The following MDM4 variants were observed in gnomAD, a reference collection of about 807,000 sequenced individuals.
The protein encoded by MDM4 is MDM4 regulator of p53, also known as protein Mdm4.
Under a neutral mutation model 60.2 loss-of-function variants are expected in MDM4, and 2 were observed. The observed-to-expected ratio is 0.03, with a 90% CI of 0.01 to 0.10. The LOEUF is 0.10. Ranked by LOEUF, MDM4 falls within the 10% of genes least tolerant of loss-of-function variation. The probability of loss-of-function intolerance (pLI) is 1.00; values close to 1 mark genes in which losing one functional copy is unlikely to be tolerated. For synonymous variants in MDM4, 202 were observed against 198.1 expected (o/e 1.02, Z -0.17); for missense variants, 447 against 577.5 (o/e 0.77, Z 2.32).
intron 7 of MDM4, among the ~76,000 whole-genome samples, chr1:204,541,160 C>T (rs557560673): frequency 3.3e-5 from 5 of 152,116 alleles, no homozygotes. Context: ...CATGGCTGGG[C>T]ACTGTTAGAA....
At chr1:204,522,505 C>A (rs1201476395) in intron 1 of MDM4, among the ~76,000 whole-genome samples, 1 of 151,242 alleles carries the variant, frequency 6.6e-6, no homozygotes, top group Admixed American at 6.6e-5. Context: ...TCAGGCGATT[C>A]TCCTGTCTCA....
chr1:204,557,697 TG>T lies in MDM4; in HGVS notation c.*8017del. On this transcript the variant is annotated 3_prime_UTR_variant, in exon 11 of 11. Transcript: ENST00000367182. ...GATTACAGGCGTGAGCAACTGCTCC[TG>T]GCCCAAAACATCTCTTTCTACATAC... is the stretch of plus-strand genomic sequence containing the variant. 5.5e-6 allele frequency: 1 copy of T among 181,182 alleles called. No individual in the cohort carries two copies. The highest frequency in any genetic ancestry group is 2.0e-4 in the South Asian group (1 of 5,078). The allele number at this position is 181,182 out of a possible 1,614,324, so 11.2% of individuals were successfully genotyped here. A position where few individuals can be genotyped will look rare whatever the true frequency, so the allele number is the denominator to read the frequency against.
Position 204,526,348 on chromosome 1 carries a change from T to C in MDM4, c.79-12T>C. The C allele has an allele frequency of 1.9e-6, 3 of 1,607,480 alleles. No homozygotes were observed. Among genetic ancestry groups the C allele is most frequent in the Middle Eastern group, 1.7e-4 (1 of 6,044 alleles). ...AAATGTAAATAGCACATTTATTTTA[T>C]GTTTATATCAGGTACGACCAAAACT... On this transcript the variant is annotated splice_polypyrimidine_tract_variant and intron_variant, in intron 2 of 10. Coordinates refer to ENST00000367182, the MANE Select transcript of MDM4 (RefSeq NM_002393.5).
rs1663032037 is a variant in MDM4 at position 204,549,852 on chromosome 1, C to G, written c.*170C>G. ...GCTAACAATGAAGAACAGAAGTAATCTGATTAGTCAAATTATTAAGTGCCA... is the reference window on the plus strand; with the variant it reads ...GCTAACAATGAAGAACAGAAGTAATGTGATTAGTCAAATTATTAAGTGCCA... On this transcript the variant is annotated 3_prime_UTR_variant, in exon 11 of 11. Transcript: ENST00000367182. 1 of 509,074 alleles carries G rather than the reference C, an allele frequency of 2.0e-6. No individual in the cohort carries two copies. Among genetic ancestry groups the G allele is most frequent in the Non-Finnish European group, 3.4e-6 (1 of 294,052 alleles). The allele number at this position is 509,074 out of a possible 1,614,324, so 31.5% of individuals were successfully genotyped here.
chr1:204,520,467 G>A (rs1197147077), intron 1 of MDM4, among the ~76,000 whole-genome samples: 1 of 151,074 alleles, frequency 6.6e-6, no homozygotes, highest in Non-Finnish European at 1.5e-5. Context: ...GGAAAGCAAG[G>A]GAAATGAAAA....
At chr1:204,531,495 C>A (rs1457868517) in intron 4 of MDM4, among the ~76,000 whole-genome samples, 1 of 152,182 alleles carries the variant, frequency 6.6e-6, no homozygotes, top group Admixed American at 6.5e-5. Context: ...TTCTCTATAG[C>A]TTTGATGACT....
In MDM4 at chr1:204,529,372, G is replaced by T. The variant is rs539927882; in HGVS notation, c.154-1312G>T. ...TCCATATTGGGAGGGGAGCCACCCT[G>T]TCCATGAGGCCTGGGCTGCTGGGCA... is the stretch of plus-strand genomic sequence containing the variant. On this transcript the variant is annotated intron_variant, in intron 3 of 10. Transcript: ENST00000367182. 18 of 945,766 alleles carry T rather than the reference G, an allele frequency of 1.9e-5. No individual in the cohort carries two copies. In the East Asian group the frequency reaches 4.1e-4, roughly 21 times the overall value. 58.6% of individuals were successfully genotyped at this position (945,766 alleles called of 1,614,324 possible).
chr1:204,555,982 A>G lies in MDM4; in HGVS notation c.*6300A>G, dbSNP rs193225607. 1.4e-5 allele frequency: 3 copies of G among 209,588 alleles called. No homozygotes were observed. The highest frequency in any genetic ancestry group is 1.2e-4 in the Admixed American group (2 of 16,996). 13.0% of individuals were successfully genotyped at this position (209,588 alleles called of 1,614,324 possible). On this transcript the variant is annotated 3_prime_UTR_variant, in exon 11 of 11. Transcript: ENST00000367182. ...TCAACAGACAAATATTTCTGATCAG[A>G]TAGTCCCCTGTCAACAGTAGCAAAT... is the stretch of plus-strand genomic sequence containing the variant.
chr1:204,517,628 C>G (rs7546645), intron 1 of MDM4, among the ~76,000 whole-genome samples: 1 of 152,020 alleles, frequency 6.6e-6, no homozygotes, highest in African/African-American at 2.4e-5. Flanking sequence ...TCTCGAACTC[C>G]AGACCTCAGG....
In MDM4 at chr1:204,551,619, T is replaced by C. The variant is rs1663214469; in HGVS notation, c.*1937T>C. On this transcript the variant is annotated 3_prime_UTR_variant, in exon 11 of 11. Coordinates refer to ENST00000367182, the MANE Select transcript of MDM4 (RefSeq NM_002393.5). The stretch of plus-strand genomic sequence containing the variant: ...TTGGACATCTTTAAGTTGGTTTCCA[T>C]AGAGCTATGCATGTATCCTTACCCC... The C allele has an allele frequency of 4.3e-6, 1 of 231,828 alleles. No homozygotes were observed. The highest frequency in any genetic ancestry group is 8.5e-6 in the Non-Finnish European group (1 of 117,362). The allele number at this position is 231,828 out of a possible 1,614,324, so 14.4% of individuals were successfully genotyped here.
At chr1:204,516,635 TGGGGAAGGCCGCGCCA>T (rs1659001735) in intron 1 of MDM4, 126 bp downstream of exon 1, 1 of 147,524 alleles carries the variant, frequency 6.8e-6, no homozygotes, top group Non-Finnish European at 1.5e-5. Context: ...TCGGGCGGCG[TGGGGAAGGCCGCGCCA>T]GGCGGAAGAA....
intron 4 of MDM4, among the ~76,000 whole-genome samples, chr1:204,531,367 A>G (rs1660833228): frequency 6.6e-6 from 1 of 152,188 alleles, no homozygotes; most frequent in Non-Finnish European, 1.5e-5. Flanking sequence ...GAGGTTGATG[A>G]TGAGCCTGGT....
At chr1:204,520,236 C>G (rs1450796613) in intron 1 of MDM4, among the ~76,000 whole-genome samples, 2 of 148,430 alleles carry the variant, frequency 1.3e-5, no homozygotes, top group Admixed American at 6.7e-5. Context: ...GGAGATCTCG[C>G]CACTGCACTC....
At chr1:204,531,997 CAG>C (rs936476664) in intron 4 of MDM4, among the ~76,000 whole-genome samples, 192 bp from the exon 5 acceptor site, 18 of 152,150 alleles carry the variant, frequency 1.2e-4, no homozygotes, top group Non-Finnish European at 2.1e-4. Flanking sequence ...CAGAGTAACA[CAG>C]GGGCCTGGGC....
intron 3 of MDM4, among the ~76,000 whole-genome samples, chr1:204,526,755 G>A (rs978910849): frequency 6.6e-6 from 1 of 152,086 alleles, no homozygotes; most frequent in Non-Finnish European, 1.5e-5. Context: ...GAGCCACCGC[G>A]CCTGGCCAAA....
Position 204,545,877 on chromosome 1 carries a change from G to T in MDM4, c.823-920G>T, listed in dbSNP as rs78088142. Among the ~76,000 whole-genome samples the T allele has an allele frequency of 2.8e-3, 429 of 152,224 alleles. 1 individual carries two copies. Among genetic ancestry groups the T allele is most frequent in the African/African-American group, 9.7e-3 (402 of 41,526 alleles). Reference sequence around the variant, plus strand: ...GGACTTAAAATACTTGGCCATTTGTGAGAAGGTTGCTGTACAGAGGTTCAT... The same window carrying T: ...GGACTTAAAATACTTGGCCATTTGTTAGAAGGTTGCTGTACAGAGGTTCAT... On this transcript the variant is annotated intron_variant, in intron 9 of 10. Coordinates refer to ENST00000367182, the MANE Select transcript of MDM4 (RefSeq NM_002393.5).
intron 3 of MDM4, among the ~76,000 whole-genome samples, chr1:204,527,876 T>C (rs1375275080): frequency 1.3e-5 from 2 of 151,826 alleles, no homozygotes; most frequent in Non-Finnish European, 2.9e-5. Context: ...TTTTTTTTTT[T>C]CGAACTTAAA....
chr1:204,531,874 A>G (rs1660893347), intron 4 of MDM4, among the ~76,000 whole-genome samples: 1 of 152,072 alleles, frequency 6.6e-6, no homozygotes, highest in Non-Finnish European at 1.5e-5. Flanking sequence ...TTCCAATTAC[A>G]ATGTGAAACT....
intron 6 of MDM4, 69 bp downstream of exon 6, chr1:204,537,566 G>T (rs1661548787): frequency 3.7e-6 from 4 of 1,075,306 alleles, no homozygotes; most frequent in African/African-American, 1.6e-5. Flanking sequence ...ATGGATCTTG[G>T]ACTCCCAAGA....
Sources: allele counts gnomAD v4.1 joint callset (sites outside exome capture counted in the v4.1 genomes callset), GRCh38; gene constraint gnomAD v4.1.1; transcripts MANE v1.5; gene names NCBI Gene and HGNC (gene_info 2026-07-23, HGNC 2026-07-21).